NGF: variants seen among roughly 807,000 people sequenced by gnomAD.
The protein encoded by NGF is nerve growth factor.
A neutral mutation model predicts 12.8 loss-of-function variants in NGF; 4 were observed. The ratio of observed to expected loss-of-function variants is 0.31; its 90% CI spans 0.15 to 0.72. The LOEUF (loss-of-function observed/expected upper bound fraction) is 0.72. NGF is among the 30% of genes least tolerant of loss of function. The pLI is 0.69. For missense variants in NGF, 283 were observed against 330.8 expected (o/e 0.86, Z 1.12); for synonymous variants, 140 against 130.0 (o/e 1.08, Z -0.52).
chr1:115,307,760 T>A (rs574961350), intron 1 of NGF, among the ~76,000 whole-genome samples: 1 of 152,354 alleles, frequency 6.6e-6, no homozygotes, highest in Admixed American at 6.5e-5. Flanking sequence ...AGTGATAACA[T>A]TGCCTTGGCA....
intron 1 of NGF, among the ~76,000 whole-genome samples, chr1:115,321,133 A>G (rs1654612832): frequency 6.6e-6 from 1 of 152,166 alleles, no homozygotes; most frequent in Non-Finnish European, 1.5e-5. Flanking sequence ...ACTCTCCTTC[A>G]TGACACTTAG....
Position 115,286,381 on chromosome 1 carries a change from C to G in NGF, c.415G>C (p.Val139Leu). The G allele has an allele frequency of 6.2e-7, 1 of 1,613,972 alleles. No homozygotes were observed. The highest frequency in any genetic ancestry group is 1.3e-5 in the African/African-American group (1 of 75,030). ...GTCTTATCCCCAACCCACACGCTGA[C>G]ACTGTCACACACCGAGAATTCGCCC... ...HRGEFSVCDS[V>L]SVWVGDKTTA... The change falls in exon 3 of 3, where the codon GTC becomes CTC. Residue 139 changes from valine (V) to leucine (L), a missense_variant. Physicochemically the swap from Val to Leu is conservative, Grantham distance 32. Coordinates refer to ENST00000369512, the MANE Select transcript of NGF (RefSeq NM_002506.3).
intron 1 of NGF, among the ~76,000 whole-genome samples, chr1:115,310,539 T>C (rs1654310524): frequency 6.6e-6 from 1 of 152,114 alleles, no homozygotes; most frequent in Non-Finnish European, 1.5e-5. Context: ...GTAAGAAACA[T>C]GGTCAACCCG....
intron 1 of NGF, among the ~76,000 whole-genome samples, chr1:115,321,453 T>TA (rs1654623156): frequency 2.6e-5 from 4 of 152,146 alleles, no homozygotes; most frequent in Non-Finnish European, 5.9e-5. Context: ...AAGGACTGAA[T>TA]TATTTCCCAT....
intron 2 of NGF, among the ~76,000 whole-genome samples, chr1:115,290,076 G>A (rs574040051): frequency 6.6e-6 from 1 of 152,222 alleles, no homozygotes; most frequent in Non-Finnish European, 1.5e-5. Flanking sequence ...CAAAGGAGCT[G>A]GTGCCAAGTC....
At chr1:115,330,901 T>C (rs1294122985) in intron 1 of NGF, among the ~76,000 whole-genome samples, 1 of 152,194 alleles carries the variant, frequency 6.6e-6, no homozygotes, top group African/African-American at 2.4e-5. Flanking sequence ...TTGTGATTTC[T>C]GCTGTGGCCC....
intron 1 of NGF, among the ~76,000 whole-genome samples, chr1:115,302,043 C>T (rs530596496): frequency 1.1e-4 from 16 of 152,294 alleles, no homozygotes; most frequent in South Asian, 6.2e-4. Context: ...TATTTCTATC[C>T]GTGGGGCTGT....
intron 1 of NGF, among the ~76,000 whole-genome samples, chr1:115,321,745 A>T (rs1571093064): frequency 6.6e-6 from 1 of 152,174 alleles, no homozygotes; most frequent in African/African-American, 2.4e-5. Flanking sequence ...TCTGCCTGAC[A>T]GCCAGCTCTG....
chr1:115,303,990 G>C (rs1262938611), intron 1 of NGF, among the ~76,000 whole-genome samples: 1 of 152,074 alleles, frequency 6.6e-6, no homozygotes, highest in Admixed American at 6.5e-5. Context: ...TCATTCTGGG[G>C]CTGTTTTTTT....
At position 115,330,446 on chromosome 1, in the gene NGF, A is replaced by G. The variant is rs140603728; in HGVS notation, c.-137+7758T>C. ...CAGTCGCCATCTAACAATAAATGGT[A>G]AAAGAAAAGAAACATGCAAGGTGTT... On this transcript the variant is annotated intron_variant, in intron 1 of 2. Coordinates refer to ENST00000369512, the MANE Select transcript of NGF (RefSeq NM_002506.3). 1.7e-3 allele frequency among the ~76,000 whole-genome samples: 262 copies of G among 152,348 alleles called. 4 individuals are homozygous for G. The highest frequency in any genetic ancestry group is 2.5e-3 in the Non-Finnish European group (167 of 68,028).
At chr1:115,333,718 C>T (rs902331141) in intron 1 of NGF, among the ~76,000 whole-genome samples, 2 of 112,102 alleles carry the variant, frequency 1.8e-5, no homozygotes, top group Admixed American at 1.9e-4. Flanking sequence ...TCTTTCTTTT[C>T]TTTCTTTCCT....
At chr1:115,304,272 C>T (rs774533097) in intron 1 of NGF, among the ~76,000 whole-genome samples, 2 of 150,894 alleles carry the variant, frequency 1.3e-5, no homozygotes, top group Non-Finnish European at 2.9e-5. Flanking sequence ...AAGCAATTCT[C>T]CTGCCTCAGC....
chr1:115,307,653 T>G (rs1313173492), intron 1 of NGF, among the ~76,000 whole-genome samples: 2 of 152,240 alleles, frequency 1.3e-5, no homozygotes, highest in African/African-American at 4.8e-5. Flanking sequence ...CTGAACTGGC[T>G]TCTGGTAGTC....
intron 1 of NGF, among the ~76,000 whole-genome samples, chr1:115,309,997 A>T (rs1254216842): frequency 6.6e-6 from 1 of 152,268 alleles, no homozygotes; most frequent in Admixed American, 6.5e-5. Flanking sequence ...TTGCAAAGTC[A>T]GAAACCAAGT....
chr1:115,305,618 C>T (rs1030835876), intron 1 of NGF, among the ~76,000 whole-genome samples: 3 of 152,178 alleles, frequency 2.0e-5, no homozygotes, highest in Non-Finnish European at 4.4e-5. Context: ...CTCTACTTAT[C>T]TGTCATGACA....
intron 2 of NGF, among the ~76,000 whole-genome samples, chr1:115,290,623 G>A (rs915486887): frequency 6.6e-5 from 10 of 151,978 alleles, no homozygotes; most frequent in Non-Finnish European, 1.2e-4. Context: ...CTTGATCTCT[G>A]ATCTCGTGAT....
At chr1:115,287,866 C>A (rs552687029) in intron 2 of NGF, among the ~76,000 whole-genome samples, 1 of 152,344 alleles carries the variant, frequency 6.6e-6, no homozygotes, top group South Asian at 2.1e-4. Context: ...CCAACTTGGT[C>A]AAGTAATTGT....
chr1:115,331,013 A>G (rs992334285), intron 1 of NGF, among the ~76,000 whole-genome samples: 2 of 152,080 alleles, frequency 1.3e-5, no homozygotes, highest in Non-Finnish European at 2.9e-5. Flanking sequence ...GAGAAAAATA[A>G]CCCAGACCTC....
At chr1:115,290,377 T>G (rs1653651138) in intron 2 of NGF, among the ~76,000 whole-genome samples, 1 of 143,706 alleles carries the variant, frequency 7.0e-6, no homozygotes, top group South Asian at 2.2e-4. Context: ...ACAAACTACC[T>G]TCTCTCATCT....
Sources: gnomAD v4.1 joint callset for allele counts (sites outside exome capture counted in the v4.1 genomes callset) on GRCh38, gnomAD v4.1.1 for gene constraint, MANE v1.5 for transcripts, NCBI Gene and HGNC (gene_info 2026-07-23, HGNC 2026-07-21) for gene names.